The following NAV2 variants were observed in gnomAD, a reference collection of about 807,000 sequenced individuals.
NAV2 encodes neuron navigator 2, also known as helicase, APC down-regulated 1.
Under a neutral mutation model 223.2 loss-of-function variants are expected in NAV2, and 54 were observed. The ratio of observed to expected loss-of-function variants is 0.24; its 90% CI spans 0.19 to 0.30. The LOEUF (loss-of-function observed/expected upper bound fraction) is 0.30. NAV2 is among the 10% of genes least tolerant of loss of function. The pLI, the probability that NAV2 is intolerant of heterozygous loss-of-function variation, is 1.00. For missense variants in NAV2, 2,806 were observed against 3,147.5 expected, an observed-to-expected ratio of 0.89 and a Z score of 2.60; for synonymous variants, 1,279 against 1,239.3, an observed-to-expected ratio of 1.03 and a Z score of -0.67.
chr11:19,846,581 A>AT (rs1261147808), intron 3 of NAV2, among the ~76,000 whole-genome samples: 1 of 151,228 alleles, frequency 6.6e-6, no homozygotes, highest in Non-Finnish European at 1.5e-5. Context: ...GGCTGTTAAT[A>AT]TTTTTATATT....
At chr11:19,381,342 A>C (rs941478834) in intron 1 of NAV2, among the ~76,000 whole-genome samples, 1 of 152,222 alleles carries the variant, frequency 6.6e-6, no homozygotes, top group Admixed American at 6.5e-5. Flanking sequence ...CTGGACATAA[A>C]TGTTCATTAA....
At chr11:19,853,120 C>T (rs938311383) in intron 3 of NAV2, among the ~76,000 whole-genome samples, 1 of 152,152 alleles carries the variant, frequency 6.6e-6, no homozygotes, top group African/African-American at 2.4e-5. Flanking sequence ...AAACAGATTG[C>T]TGGACCCCAT....
At chr11:20,030,025 T>G (rs1411170239) in intron 11 of NAV2, among the ~76,000 whole-genome samples, 1 of 152,224 alleles carries the variant, frequency 6.6e-6, no homozygotes, top group Non-Finnish European at 1.5e-5. Flanking sequence ...TGTCTTAAAA[T>G]TATTAAAAAA....
chr11:19,908,215 A>G (rs1228557957), intron 6 of NAV2, among the ~76,000 whole-genome samples: 1 of 152,206 alleles, frequency 6.6e-6, no homozygotes, highest in African/African-American at 2.4e-5. Context: ...AAGTCTTTCC[A>G]GAGGCTTTGG....
intron 1 of NAV2, among the ~76,000 whole-genome samples, chr11:19,793,928 C>T (rs559920797): frequency 3.3e-4 from 50 of 152,266 alleles, no homozygotes; most frequent in South Asian, 1.9e-3. Context: ...TCGGAGAGGC[C>T]GCCGGGACCC....
intron 1 of NAV2, among the ~76,000 whole-genome samples, chr11:19,793,709 T>C (rs1385211765): frequency 6.7e-6 from 1 of 148,406 alleles, no homozygotes; most frequent in Non-Finnish European, 1.5e-5. Flanking sequence ...TTTCCCTGGC[T>C]ACTCAAGGAA....
At chr11:20,036,121 G>A (rs113844172) in intron 12 of NAV2, 24 bp downstream of exon 12, 23 of 1,613,898 alleles carry the variant, frequency 1.4e-5, no homozygotes, top group African/African-American at 1.2e-4. Context: ...GCCCTCCCAG[G>A]CTCCTCCAGC....
intron 1 of NAV2, among the ~76,000 whole-genome samples, chr11:19,523,927 C>T (rs969785442): frequency 1.3e-5 from 2 of 152,204 alleles, no homozygotes; most frequent in Non-Finnish European, 2.9e-5. Context: ...TCACTTCTTT[C>T]CCTGGGTAGC....
At chr11:19,359,862 C>G (rs1357395231) in intron 1 of NAV2, among the ~76,000 whole-genome samples, 3 of 152,106 alleles carry the variant, frequency 2.0e-5, no homozygotes, top group Non-Finnish European at 4.4e-5. Context: ...TTCAGCAGGT[C>G]CTTTCTCTCC....
At chr11:19,410,213 T>C (rs1038378068) in intron 1 of NAV2, among the ~76,000 whole-genome samples, 3 of 152,184 alleles carry the variant, frequency 2.0e-5, no homozygotes, top group African/African-American at 7.2e-5. Context: ...GTTATAAAGG[T>C]GGCAAACTTT....
At chr11:19,547,193 G>A (rs770651727) in intron 1 of NAV2, among the ~76,000 whole-genome samples, 4 of 152,188 alleles carry the variant, frequency 2.6e-5, no homozygotes, top group Admixed American at 6.5e-5. Context: ...CTCTCCAGGC[G>A]ATGGAAAGCA....
chr11:19,699,459 T>C (rs1156915530), intron 1 of NAV2, among the ~76,000 whole-genome samples: 3 of 152,138 alleles, frequency 2.0e-5, no homozygotes, highest in Middle Eastern at 3.4e-3. Context: ...ATTTTACTTA[T>C]GGATTTTGAA....
intron 1 of NAV2, among the ~76,000 whole-genome samples, chr11:19,829,264 G>C (rs976960049): frequency 1.3e-5 from 2 of 152,188 alleles, no homozygotes; most frequent in African/African-American, 4.8e-5. Flanking sequence ...AGAGCAGTGT[G>C]GTGCATCCCC....
At chr11:19,613,691 C>A (rs1405059459) in intron 1 of NAV2, among the ~76,000 whole-genome samples, 1 of 152,200 alleles carries the variant, frequency 6.6e-6, no homozygotes, top group Non-Finnish European at 1.5e-5. Context: ...TCATCGTGGG[C>A]AAGAACCAAG....
chr11:19,652,354 T>A (rs182294535), intron 1 of NAV2, among the ~76,000 whole-genome samples: 149 of 152,140 alleles, frequency 9.8e-4, no homozygotes, highest in Middle Eastern at 6.8e-3. Context: ...GCAGCCTCCA[T>A]CCCAGCCCCT....
Position 19,531,202 on chromosome 11 carries a change from A to G in NAV2, c.75+180175A>G, listed in dbSNP as rs754172480. 5.3e-5 allele frequency among the ~76,000 whole-genome samples: 8 copies of G among 152,362 alleles called. No homozygotes were observed. The East Asian group carries it at 1.5e-3, about 29-fold the overall frequency. On this transcript the variant is annotated intron_variant, in intron 1 of 37. Transcript: ENST00000360655. ...AAATCTTTGCCTTCATGGGGCTCACATTCTGGTAGGGGAAACAGAAGATAG... is the reference window on the plus strand; with the variant it reads ...AAATCTTTGCCTTCATGGGGCTCACGTTCTGGTAGGGGAAACAGAAGATAG...
At chr11:20,085,092 G>A (rs1268532546) in intron 26 of NAV2, among the ~76,000 whole-genome samples, 1 of 151,948 alleles carries the variant, frequency 6.6e-6, no homozygotes, top group African/African-American at 2.4e-5. Flanking sequence ...TACTTGGGAG[G>A]CTGAGGCAGG....
Position 19,516,687 on chromosome 11 carries a change from C to G in NAV2, c.75+165660C>G, listed in dbSNP as rs2043461760. Among the ~76,000 whole-genome samples the G allele has an allele frequency of 2.6e-5, 4 of 152,218 alleles. No homozygotes were observed. The South Asian group carries it at 8.3e-4, about 32-fold the overall frequency. ...GGTCCCTCTGACTGTTCAACAATCT[C>G]TGCAGACAGAGAGTAGGAGAAATGA... On this transcript the variant is annotated intron_variant, in intron 1 of 37. Transcript: ENST00000360655.
intron 1 of NAV2, among the ~76,000 whole-genome samples, chr11:19,600,581 A>G (rs573438370): frequency 6.6e-6 from 1 of 152,348 alleles, no homozygotes; most frequent in East Asian, 1.9e-4. Flanking sequence ...CTCTGGAGCC[A>G]GAATAACTGG....
Sources: allele counts gnomAD v4.1 joint callset (sites outside exome capture counted in the v4.1 genomes callset), GRCh38; gene constraint gnomAD v4.1.1; transcripts MANE v1.5; gene names NCBI Gene and HGNC (gene_info 2026-07-23, HGNC 2026-07-21).